Variants in RIF1 observed in about 807,000 individuals in gnomAD.
The protein encoded by RIF1 is telomere-associated protein RIF1.
A neutral mutation model predicts 247.1 loss-of-function variants in RIF1; 45 were observed. The observed-to-expected ratio is 0.18, with a 90% CI of 0.14 to 0.23. The LOEUF is 0.23. Ranked by LOEUF, RIF1 falls within the 10% of genes least tolerant of loss-of-function variation. RIF1 has a pLI of 1.00. For synonymous variants in RIF1, 1,087 were observed against 978.8 expected (o/e 1.11, Z -2.06); for missense variants, 2,967 against 2,862.5 (o/e 1.04, Z -0.83).
At chr2:151,423,978 A>T (rs1013276365) in intron 8 of RIF1, among the ~76,000 whole-genome samples, 1 of 152,320 alleles carries the variant, frequency 6.6e-6, no homozygotes, top group African/African-American at 2.4e-5. Context: ...CTGCACCCAG[A>T]CATCACCCTT....
chr2:151,482,694 C>G (rs930289717), downstream of RIF1, among the ~76,000 whole-genome samples: 1 of 152,172 alleles, frequency 6.6e-6, no homozygotes, highest in Non-Finnish European at 1.5e-5. Context: ...TTAGGGTAAA[C>G]AGTGATGTTG....
chr2:151,417,638 AC>A (rs1340792349), intron 6 of RIF1, among the ~76,000 whole-genome samples: 1 of 152,210 alleles, frequency 6.6e-6, no homozygotes, highest in Non-Finnish European at 1.5e-5. Context: ...GTACAGTATA[AC>A]AACTACTTAC....
chr2:151,523,259 A>G, the RIF1 span, among the ~76,000 whole-genome samples: 1 of 152,226 alleles, frequency 6.6e-6, no homozygotes, highest in Non-Finnish European at 1.5e-5. Context: ...TATGTTACAT[A>G]GGAATTTTAA....
At chr2:151,452,421 A>G (rs973735543) in intron 21 of RIF1, among the ~76,000 whole-genome samples, 2 of 152,220 alleles carry the variant, frequency 1.3e-5, no homozygotes, top group Non-Finnish European at 2.9e-5. Flanking sequence ...GTTGAGATAT[A>G]TTATTCTTGT....
At chr2:151,434,322 A>G (rs1573966588) in intron 10 of RIF1, among the ~76,000 whole-genome samples, 2 of 152,148 alleles carry the variant, frequency 1.3e-5, no homozygotes, top group East Asian at 1.9e-4. Context: ...TTGTTACACA[A>G]TGATTTTACG....
Position 151,465,623 on chromosome 2 carries a change from C to A in RIF1, c.6103C>A (p.His2035Asn). Residue 2035 changes from histidine (H) to asparagine (N), a missense_variant, in exon 30 of 36, where the codon CAT becomes AAT. This residue lies in a region of RIF1 where 2,028 missense variants were observed against 1,825.6 expected (regional missense o/e 1.11). Coordinates refer to ENST00000444746, the MANE Select transcript of RIF1 (RefSeq NM_018151.5). The stretch of plus-strand genomic sequence containing the variant: ...CGGCGAGGCAATGGCTGAAACTGGC[C>A]ATGATGGTGAAACAGAGAATGAGGG... ...MIGEAMAETG[H>N]DGETENEGIT... 6.2e-7 allele frequency: 1 copy of A among 1,613,948 alleles called. No homozygotes were observed. Among genetic ancestry groups the A allele is most frequent in the Non-Finnish European group, 8.5e-7 (1 of 1,179,986 alleles).
intron 8 of RIF1, among the ~76,000 whole-genome samples, chr2:151,425,487 C>T (rs1452740361): frequency 6.6e-6 from 1 of 151,920 alleles, no homozygotes; most frequent in African/African-American, 2.4e-5. Context: ...CCAATGCTTT[C>T]GTCTAAGAAT....
intron 8 of RIF1, 85 bp downstream of exon 8, chr2:151,423,127 C>G: frequency 1.3e-6 from 1 of 746,104 alleles, no homozygotes; most frequent in South Asian, 1.7e-5. Flanking sequence ...AGTTGATGCT[C>G]ATTATTTCCT....
chr2:151,502,755 T>G, intron 11 of RIF1: 1 of 1,136,706 alleles, frequency 8.8e-7, no homozygotes, highest in Non-Finnish European at 1.3e-6. Flanking sequence ...TTAAATAAAA[T>G]TAAGGGATTT....
intron 9 of RIF1, chr2:151,493,053 TAG>T (rs1315882240): frequency 1.0e-5 from 3 of 290,492 alleles, no homozygotes; most frequent in African/African-American, 6.7e-5. Flanking sequence ...AAATTTGTTA[TAG>T]TTGGTTACGT....
rs187180051 is a variant in RIF1 at position 151,495,998 on chromosome 2, G to A, written c.*513+672G>A. On this transcript the variant is annotated intron_variant and NMD_transcript_variant, in intron 10 of 13. Coordinates refer to the RIF1 transcript ENST00000454583. ...GCATATCTAAAACAAAGAGACCTTG[G>A]GGGTAGTGGATAGAGAGTAAGTTTG... Among the ~76,000 whole-genome samples the A allele has an allele frequency of 9.2e-5, 14 of 152,264 alleles. No homozygotes were observed. The East Asian group carries it at 2.7e-3, about 29-fold the overall frequency.
intron 7 of RIF1, among the ~76,000 whole-genome samples, chr2:151,422,505 T>A (rs1004386200): frequency 1.3e-4 from 18 of 139,642 alleles, no homozygotes; most frequent in African/African-American, 2.9e-4. Flanking sequence ...TTTGGGAAAA[T>A]TTTTTTTTTT....
Position 151,503,518 on chromosome 2 carries a change from TTGGGGGAAACTCATAAAAAC to T in RIF1, c.*861+334_*861+353del, listed in dbSNP as rs1443764351. ...TAGATAGCAGCCACATGTGGGCTAT[TTGGGGGAAACTCATAAAAAC>T]AATCTAGCTCTCAAATATAACATTC... is the stretch of plus-strand genomic sequence containing the variant. On this transcript the variant is annotated intron_variant and NMD_transcript_variant, in intron 12 of 13. Transcript: ENST00000454583. The T allele has an allele frequency of 7.2e-5, 68 of 943,292 alleles. 1 individual carries two copies. Among genetic ancestry groups the T allele is most frequent in the Admixed American group, 2.0e-4 (10 of 49,844 alleles). The allele number at this position is 943,292 out of a possible 1,614,324, so 58.4% of individuals were successfully genotyped here.
At chr2:151,414,686 T>C in intron 3 of RIF1, 137 bp from the exon 4 acceptor site, 1 of 604,314 alleles carries the variant, frequency 1.7e-6, no homozygotes, top group Non-Finnish European at 2.9e-6. Flanking sequence ...TTATTTTTAT[T>C]TTTATTTTTT....
At chr2:151,434,924 A>G (rs1012980141) in intron 10 of RIF1, among the ~76,000 whole-genome samples, 3 of 152,154 alleles carry the variant, frequency 2.0e-5, no homozygotes, top group Non-Finnish European at 4.4e-5. Flanking sequence ...GGACTTATAA[A>G]TATACTTAAG....
chr2:151,520,621 T>G, the RIF1 span, among the ~76,000 whole-genome samples: 3 of 152,004 alleles, frequency 2.0e-5, no homozygotes, highest in African/African-American at 7.2e-5. Context: ...TCTCAGCACT[T>G]TAGGAGGCCA....
intron 30 of RIF1, among the ~76,000 whole-genome samples, chr2:151,466,771 T>C (rs990405873): frequency 3.9e-5 from 6 of 152,238 alleles, no homozygotes; most frequent in African/African-American, 1.4e-4. Flanking sequence ...CAACTTGTCT[T>C]ATACTTAACA....
At chr2:151,497,012 C>G (rs1404068728) in intron 10 of RIF1, 4 of 1,572,648 alleles carry the variant, frequency 2.5e-6, no homozygotes, top group Non-Finnish European at 3.5e-6. Flanking sequence ...GTTCCCTTGC[C>G]CATGTTTTCT....
intron 17 of RIF1, 30 bp downstream of exon 17, chr2:151,443,359 T>A: frequency 6.1e-6 from 9 of 1,465,950 alleles, no homozygotes; most frequent in Non-Finnish European, 7.6e-6. Context: ...TGAAACTTTG[T>A]CTTGGAAAGG....
Sources: allele counts gnomAD v4.1 joint callset (sites outside exome capture counted in the v4.1 genomes callset), GRCh38; gene constraint gnomAD v4.1.1; regional missense constraint gnomAD v4.1.1; transcripts MANE v1.5; gene names NCBI Gene and HGNC (gene_info 2026-07-23, HGNC 2026-07-21).